Variants in SGCZ observed in about 807,000 individuals in gnomAD.
SGCZ encodes zeta-sarcoglycan.
In SGCZ, 40 loss-of-function variants were observed where a neutral mutation model predicts 41.3. That is an observed-to-expected ratio of 0.97 (90% confidence interval 0.75 to 1.26). SGCZ has a LOEUF of 1.26. SGCZ is among the 50% of genes most tolerant of loss of function. SGCZ has a pLI of 0.00. For missense variants in SGCZ, 552 were observed against 369.8 expected (o/e 1.49, Z -4.04); for synonymous variants, 206 against 137.5 (o/e 1.50, Z -3.49).
Position 14,905,696 on chromosome 8 carries a change from G to A in SGCZ, c.39+331889C>T, listed in dbSNP as rs952601411. On this transcript the variant is annotated intron_variant, in intron 1 of 7. Transcript: ENST00000382080. ...CCTCCGAATCCATGTAGAGGAATAC[G>A]TAAGTGAAGATATACATAGGTAAAG... Among the ~76,000 whole-genome samples the A allele has an allele frequency of 3.9e-5, 6 of 152,044 alleles. No individual in the cohort carries two copies. The South Asian group carries it at 6.2e-4, about 16-fold the overall frequency.
At chr8:14,190,302 G>A (rs1049722897) in intron 4 of SGCZ, among the ~76,000 whole-genome samples, 68 of 151,878 alleles carry the variant, frequency 4.5e-4, no homozygotes, top group African/African-American at 1.5e-3. Flanking sequence ...GTGAGCCACA[G>A]CACCCCGCCA....
At chr8:14,475,473 C>A (rs1357438780) in intron 2 of SGCZ, among the ~76,000 whole-genome samples, 5 of 151,854 alleles carry the variant, frequency 3.3e-5, no homozygotes, top group African/African-American at 1.2e-4. Flanking sequence ...TTTTTCATTC[C>A]AGTGATTGTT....
intron 1 of SGCZ, among the ~76,000 whole-genome samples, chr8:15,021,150 G>A (rs531821011): frequency 2.2e-4 from 34 of 152,134 alleles, no homozygotes; most frequent in Non-Finnish European, 4.6e-4. Flanking sequence ...ATCAAAAATG[G>A]TATTAAGCTA....
rs1585702809 is a variant in SGCZ, at chr8:15,234,803, T to C, written c.39+2782A>G. 2.6e-5 allele frequency among the ~76,000 whole-genome samples: 4 copies of C among 152,238 alleles called. No individual in the cohort carries two copies. The South Asian group carries it at 8.3e-4, about 32-fold the overall frequency. On this transcript the variant is annotated intron_variant, in intron 1 of 7. Coordinates refer to ENST00000382080, the MANE Select transcript of SGCZ (RefSeq NM_139167.4). ...GTTAAAATCTCAAAGAGAAAATAGTTTATCCCAAATAAAGATAAATTATCA... is the reference window on the plus strand; with the variant it reads ...GTTAAAATCTCAAAGAGAAAATAGTCTATCCCAAATAAAGATAAATTATCA...
chr8:14,554,505 C>T (rs1365976535), intron 2 of SGCZ, among the ~76,000 whole-genome samples: 1 of 151,960 alleles, frequency 6.6e-6, no homozygotes, highest in Non-Finnish European at 1.5e-5. Context: ...TGTACTGTCT[C>T]GTGATCTAAA....
chr8:14,782,923 T>C (rs1450013321), intron 1 of SGCZ, among the ~76,000 whole-genome samples: 2 of 152,226 alleles, frequency 1.3e-5, no homozygotes, highest in Non-Finnish European at 2.9e-5. Context: ...TGAATCTTTT[T>C]TTTATTACAT....
intron 1 of SGCZ, among the ~76,000 whole-genome samples, chr8:14,671,885 T>A (rs1808114958): frequency 6.6e-6 from 1 of 152,188 alleles, no homozygotes; most frequent in African/African-American, 2.4e-5. Flanking sequence ...CTTCCCAACA[T>A]AAACATACTA....
At chr8:14,880,385 G>C (rs1051368721) in intron 1 of SGCZ, among the ~76,000 whole-genome samples, 12 of 152,278 alleles carry the variant, frequency 7.9e-5, no homozygotes, top group Middle Eastern at 3.4e-3. Flanking sequence ...CATTGTGGAA[G>C]TCAGTGTGGT....
At chr8:15,038,377 T>G (rs1185150877) in intron 1 of SGCZ, among the ~76,000 whole-genome samples, 1 of 152,060 alleles carries the variant, frequency 6.6e-6, no homozygotes, top group East Asian at 1.9e-4. Flanking sequence ...CTTCAATAAA[T>G]GATGTTGTGA....
intron 1 of SGCZ, among the ~76,000 whole-genome samples, chr8:15,157,513 G>C (rs900755490): frequency 6.6e-6 from 1 of 151,982 alleles, no homozygotes; most frequent in African/African-American, 2.4e-5. Context: ...GAACCATTTG[G>C]AGTTCATACA....
At chr8:15,068,618 A>T (rs936839820) in intron 1 of SGCZ, among the ~76,000 whole-genome samples, 2 of 152,194 alleles carry the variant, frequency 1.3e-5, no homozygotes, top group African/African-American at 4.8e-5. Context: ...GCATACTCAA[A>T]CTTTCCTTAC....
chr8:14,423,101 T>C (rs1799679603), intron 2 of SGCZ, among the ~76,000 whole-genome samples: 1 of 152,038 alleles, frequency 6.6e-6, no homozygotes, highest in Non-Finnish European at 1.5e-5. Context: ...AGGTAAACCT[T>C]TTTTTCTTGG....
intron 3 of SGCZ, among the ~76,000 whole-genome samples, chr8:14,277,899 GAGAAAAAGAAAAA>G (rs1168576397): frequency 6.6e-6 from 1 of 151,930 alleles, no homozygotes; most frequent in Non-Finnish European, 1.5e-5. Context: ...ACCAGAGAGA[GAGAAAAAGAAAAA>G]AGAAAAAGAG....
chr8:14,615,010 GTGTATA>G (rs1563154657), intron 1 of SGCZ, among the ~76,000 whole-genome samples: 2 of 147,300 alleles, frequency 1.4e-5, no homozygotes, highest in African/African-American at 2.4e-5. Context: ...GTGTGTGTGT[GTGTATA>G]TATATATATG....
At chr8:15,120,891 C>T (rs1807454091) in intron 1 of SGCZ, among the ~76,000 whole-genome samples, 1 of 152,026 alleles carries the variant, frequency 6.6e-6, no homozygotes, top group Non-Finnish European at 1.5e-5. Flanking sequence ...AGCTATCAGC[C>T]CCGGGAATTA....
chr8:14,589,032 C>A (rs1805154672), intron 1 of SGCZ, among the ~76,000 whole-genome samples: 1 of 152,092 alleles, frequency 6.6e-6, no homozygotes, highest in African/African-American at 2.4e-5. Flanking sequence ...TCTTCTTTCA[C>A]CCTTCCATCA....
chr8:14,554,910 T>A lies in SGCZ; in HGVS notation c.56A>T (p.Tyr19Phe). ...GTTATTCTGTTGGGTTGCTAGTATG[T>A]ATTGTTCTCGTGTCATCTGAAAAAG... Reference protein sequence around the residue: ...IEELKMTREQYILATQQNNLP... With the variant: ...IEELKMTREQFILATQQNNLP... Residue 19 changes from tyrosine to phenylalanine, a missense_variant, in exon 2 of 8, where the codon TAC becomes TTC. Coordinates refer to ENST00000382080, the MANE Select transcript of SGCZ (RefSeq NM_139167.4). 2 of 1,606,042 alleles carry A rather than the reference T, an allele frequency of 1.2e-6. No homozygotes were observed. The highest frequency in any genetic ancestry group is 8.5e-7 in the Non-Finnish European group (1 of 1,174,816).
intron 1 of SGCZ, among the ~76,000 whole-genome samples, chr8:15,182,974 C>T (rs142058621): frequency 2.0e-4 from 31 of 152,258 alleles, no homozygotes; most frequent in African/African-American, 7.0e-4. Flanking sequence ...CAAAGACACA[C>T]ACACATTGGC....
At chr8:15,193,856 C>T (rs576176092) in intron 1 of SGCZ, among the ~76,000 whole-genome samples, 2 of 152,218 alleles carry the variant, frequency 1.3e-5, no homozygotes, top group East Asian at 3.9e-4. Flanking sequence ...TTATTTTTTA[C>T]ATTTATAACC....
Sources: allele counts gnomAD v4.1 joint callset (sites outside exome capture counted in the v4.1 genomes callset), GRCh38; gene constraint gnomAD v4.1.1; transcripts MANE v1.5; gene names NCBI Gene and HGNC (gene_info 2026-07-23, HGNC 2026-07-21).